SHISA6: variants seen among roughly 807,000 people sequenced by gnomAD.
The protein encoded by SHISA6 is shisa family member 6, also known as protein shisa-6.
SHISA6 carries 22 observed loss-of-function variants against 47.9 expected under a neutral mutation model. The ratio of observed to expected loss-of-function variants is 0.46; its 90% CI spans 0.33 to 0.66. The LOEUF is 0.66. SHISA6 is among the 30% of genes least tolerant of loss of function. SHISA6 has a pLI of 0.02. For synonymous variants in SHISA6, 388 were observed against 337.8 expected (o/e 1.15, Z -1.63); for missense variants, 680 against 764.6 (o/e 0.89, Z 1.30).
At chr17:11,400,885 G>T (rs535135310) in intron 3 of SHISA6, among the ~76,000 whole-genome samples, 1 of 152,216 alleles carries the variant, frequency 6.6e-6, no homozygotes, top group African/African-American at 2.4e-5. Flanking sequence ...ATACTTTATG[G>T]TTCTATACAA....
chr17:11,296,793 C>T (rs1215033630), intron 2 of SHISA6, among the ~76,000 whole-genome samples: 2 of 151,994 alleles, frequency 1.3e-5, no homozygotes, highest in East Asian at 3.9e-4. Flanking sequence ...GTGGGAAGAG[C>T]CCCAGGTAGG....
Position 11,388,379 on chromosome 17 carries a change from G to A in SHISA6, c.895+8870G>A, listed in dbSNP as rs1039007315. Among the ~76,000 whole-genome samples the A allele has an allele frequency of 4.6e-5, 7 of 152,248 alleles. No homozygotes were observed. In the South Asian group the frequency reaches 1.5e-3, roughly 32 times the overall value. The stretch of plus-strand genomic sequence containing the variant: ...GTGGCTCTATAGGTGAAGGGAGGAT[G>A]GGTAGGAGTGGGAGCAGAGCAGAGA... On this transcript the variant is annotated intron_variant, in intron 3 of 5. Coordinates refer to ENST00000441885, the MANE Select transcript of SHISA6 (RefSeq NM_207386.4).
At chr17:11,263,912 G>GAGCC (rs1908335156) in intron 2 of SHISA6, among the ~76,000 whole-genome samples, 1 of 152,194 alleles carries the variant, frequency 6.6e-6, no homozygotes, top group Non-Finnish European at 1.5e-5. Context: ...CCCCAATGTA[G>GAGCC]AGCCTGCTCA....
intron 2 of SHISA6, among the ~76,000 whole-genome samples, chr17:11,340,924 G>C (rs1911503020): frequency 6.6e-6 from 1 of 152,254 alleles, no homozygotes; most frequent in Admixed American, 6.5e-5. Context: ...GAGGGAGAAA[G>C]CTACAAAGGC....
At chr17:11,434,620 C>T (rs1465773713) in intron 3 of SHISA6, among the ~76,000 whole-genome samples, 2 of 152,122 alleles carry the variant, frequency 1.3e-5, no homozygotes, top group Admixed American at 6.5e-5. Flanking sequence ...TCAGGTGTCC[C>T]TTGTGTCACA....
intron 1 of SHISA6, among the ~76,000 whole-genome samples, chr17:11,257,301 G>C (rs1468593272): frequency 6.6e-6 from 1 of 152,176 alleles, no homozygotes; most frequent in African/African-American, 2.4e-5. Context: ...CACTCCGACT[G>C]TCCAGTAGGT....
At chr17:11,264,750 A>G (rs1908361927) in intron 2 of SHISA6, among the ~76,000 whole-genome samples, 1 of 152,206 alleles carries the variant, frequency 6.6e-6, no homozygotes, top group East Asian at 1.9e-4. Context: ...ATGAGACCAA[A>G]TTTATTTTCC....
At chr17:11,314,134 T>C (rs1020219531) in intron 2 of SHISA6, among the ~76,000 whole-genome samples, 13 of 152,154 alleles carry the variant, frequency 8.5e-5, no homozygotes, top group Non-Finnish European at 1.6e-4. Context: ...TGTTTCTTTA[T>C]TGGTTTTTAG....
At chr17:11,394,716 A>G (rs948470162) in intron 3 of SHISA6, among the ~76,000 whole-genome samples, 1 of 151,468 alleles carries the variant, frequency 6.6e-6, no homozygotes, top group Non-Finnish European at 1.5e-5. Context: ...ACAATTTCAG[A>G]CATATATAAA....
intron 2 of SHISA6, among the ~76,000 whole-genome samples, chr17:11,341,145 G>A (rs1163976421): frequency 3.9e-5 from 6 of 152,210 alleles, no homozygotes; most frequent in African/African-American, 1.4e-4. Context: ...AGGGATGGGA[G>A]CATCTTCTGG....
rs1338318625 is a variant in SHISA6 at position 11,379,417 on chromosome 17, A to G, written c.803A>G (p.His268Arg). ...ATTCTGCCCCATCTTCTTGCAGGGC[A>G]TTATGGGAAGGATGCTTACCGAAGT... Reference protein sequence around the residue: ...PVRTAKQTPGHYGKDAYRSGG... With the variant: ...PVRTAKQTPGRYGKDAYRSGG... The change falls in exon 3 of 6, where the codon CAT becomes CGT. Residue 268 changes from histidine (H) to arginine (R), a missense_variant. His to Arg is a conservative substitution (Grantham distance 29). This residue lies in a region of SHISA6 where 559 missense variants were observed against 674.1 expected (regional missense o/e 0.83). Coordinates refer to ENST00000441885, the MANE Select transcript of SHISA6 (RefSeq NM_207386.4). 8 of 1,537,858 alleles carry G rather than the reference A, an allele frequency of 5.2e-6. No individual in the cohort carries two copies. The South Asian group carries it at 6.1e-5, about 12-fold the overall frequency.
At chr17:11,263,291 AAAGT>A in intron 1 of SHISA6, 71 bp from the exon 2 acceptor site, 1 of 1,466,418 alleles carries the variant, frequency 6.8e-7, no homozygotes, top group East Asian at 2.5e-5. Context: ...AGGGCATATG[AAAGT>A]AAGCCAACTC....
chr17:11,434,167 G>A (rs1014740880), intron 3 of SHISA6, among the ~76,000 whole-genome samples: 1 of 150,306 alleles, frequency 6.7e-6, no homozygotes, highest in Admixed American at 6.7e-5. Context: ...GGATTCAAGT[G>A]ATTCTCCCAC....
At chr17:11,439,934 T>C (rs1188467163) in intron 3 of SHISA6, among the ~76,000 whole-genome samples, 2 of 152,194 alleles carry the variant, frequency 1.3e-5, no homozygotes, top group Non-Finnish European at 2.9e-5. Context: ...TGCAACATAC[T>C]ATGGGGATGG....
At chr17:11,421,660 T>C (rs1597504941) in intron 3 of SHISA6, among the ~76,000 whole-genome samples, 1 of 152,208 alleles carries the variant, frequency 6.6e-6, no homozygotes, top group South Asian at 2.1e-4. Flanking sequence ...TACTTTTGCC[T>C]CAGAGGCCTT....
At chr17:11,471,827 G>C (rs1341008566) in intron 3 of SHISA6, among the ~76,000 whole-genome samples, 1 of 152,090 alleles carries the variant, frequency 6.6e-6, no homozygotes, top group African/African-American at 2.4e-5. Context: ...CTAAGAGTAA[G>C]GCACAAAGAT....
At chr17:11,532,686 A>G (rs1356215186) in intron 3 of SHISA6, among the ~76,000 whole-genome samples, 1 of 150,314 alleles carries the variant, frequency 6.7e-6, no homozygotes, top group Non-Finnish European at 1.5e-5. Flanking sequence ...AATGCAGTCT[A>G]AGGCCCAAGC....
At chr17:11,386,142 A>G (rs1913187886) in intron 3 of SHISA6, among the ~76,000 whole-genome samples, 1 of 152,176 alleles carries the variant, frequency 6.6e-6, no homozygotes, top group Admixed American at 6.5e-5. Flanking sequence ...GTGGGAGGCC[A>G]AGGAGGGCAG....
rs1400927221 is a variant in SHISA6, at chr17:11,562,077, C to T, written c.*3773C>T. On this transcript the variant is annotated 3_prime_UTR_variant, in exon 6 of 6. Coordinates refer to ENST00000441885, the MANE Select transcript of SHISA6 (RefSeq NM_207386.4). ...GGCCAAAGACTCCTATCCTTGAGGG[C>T]TCTCAGCCACTGCTCCAACACACTT... is the stretch of plus-strand genomic sequence containing the variant. 6.6e-6 allele frequency: 1 copy of T among 152,160 alleles called. No homozygotes were observed. Among genetic ancestry groups the T allele is most frequent in the Non-Finnish European group, 1.5e-5 (1 of 68,104 alleles). 9.4% of individuals were successfully genotyped at this position (152,160 alleles called of 1,614,324 possible).
Sources: allele counts gnomAD v4.1 joint callset (sites outside exome capture counted in the v4.1 genomes callset), GRCh38; gene constraint gnomAD v4.1.1; regional missense constraint gnomAD v4.1.1; transcripts MANE v1.5; gene names NCBI Gene and HGNC (gene_info 2026-07-23, HGNC 2026-07-21).